Variants in RBFOX3 observed in about 807,000 individuals in gnomAD.
RBFOX3 encodes RNA binding protein fox-1 homolog 3.
A neutral mutation model predicts 48.7 loss-of-function variants in RBFOX3; 17 were observed. The observed-to-expected ratio is 0.35, with a 90% CI of 0.24 to 0.52. The LOEUF is 0.52. RBFOX3 is among the 20% of genes least tolerant of loss of function. The pLI, the probability that RBFOX3 is intolerant of heterozygous loss-of-function variation, is 0.94. For missense variants in RBFOX3, 382 were observed against 497.5 expected, an observed-to-expected ratio of 0.77 and a Z score of 2.21; for synonymous variants, 212 against 209.5, an observed-to-expected ratio of 1.01 and a Z score of -0.10.
At chr17:79,551,250 C>G (rs988783347) in intron 1 of RBFOX3, among the ~76,000 whole-genome samples, 121,868 of 151,990 alleles carry the variant, frequency 0.8, 51,558 homozygotes, top group Non-Finnish European at 0.94. Context: ...TCTCCCCCAG[C>G]CCCTGGTTTC....
intron 1 of RBFOX3, among the ~76,000 whole-genome samples, chr17:79,542,002 G>A (rs1555790471): frequency 6.6e-6 from 1 of 150,844 alleles, no homozygotes; most frequent in Non-Finnish European, 1.5e-5. Flanking sequence ...ACAAAACCAT[G>A]TTCTCTGCTG....
chr17:79,545,818 G>A (rs1555791709), intron 1 of RBFOX3, among the ~76,000 whole-genome samples: 1 of 152,178 alleles, frequency 6.6e-6, no homozygotes, highest in Non-Finnish European at 1.5e-5. Flanking sequence ...TGCACACTCA[G>A]ACACACCCGT....
chr17:79,503,236 G>T (rs1245245551), intron 1 of RBFOX3, among the ~76,000 whole-genome samples: 2 of 152,116 alleles, frequency 1.3e-5, no homozygotes, highest in African/African-American at 2.4e-5. Flanking sequence ...CATTCCACAG[G>T]GGCTTAGGGG....
chr17:79,248,416 C>A (rs1213724825), intron 3 of RBFOX3, among the ~76,000 whole-genome samples: 1 of 152,112 alleles, frequency 6.6e-6, no homozygotes, highest in African/African-American at 2.4e-5. Flanking sequence ...GATTAAAAGC[C>A]AGGTGTCTGT....
At chr17:79,624,950 C>G in the RBFOX3 span, among the ~76,000 whole-genome samples, 2 of 152,146 alleles carry the variant, frequency 1.3e-5, no homozygotes, top group South Asian at 4.2e-4. Context: ...CCTGTGTACT[C>G]AGAGACTGGG....
intron 4 of RBFOX3, among the ~76,000 whole-genome samples, chr17:79,168,131 C>T (rs1208881593): frequency 6.6e-6 from 1 of 152,158 alleles, no homozygotes; most frequent in African/African-American, 2.4e-5. Flanking sequence ...GCTCTGATGC[C>T]CCGACCCTCG....
At chr17:79,337,737 C>G (rs1400614490) in intron 2 of RBFOX3, among the ~76,000 whole-genome samples, 1 of 152,108 alleles carries the variant, frequency 6.6e-6, no homozygotes, top group East Asian at 1.9e-4. Context: ...GACTGTGCCA[C>G]TGGACTACAG....
intron 2 of RBFOX3, among the ~76,000 whole-genome samples, chr17:79,319,524 TTGTCTGGGCTGCTGGGCTA>T (rs1363668556): frequency 2.6e-4 from 20 of 77,732 alleles, no homozygotes; most frequent in African/African-American, 8.1e-4. Flanking sequence ...GCTGCTGGTC[TTGTCTGGGCTGCTGGGCTA>T]TGTCTGGGCT....
intron 2 of RBFOX3, among the ~76,000 whole-genome samples, chr17:79,408,452 G>T (rs887339334): frequency 2.6e-5 from 4 of 152,318 alleles, no homozygotes; most frequent in African/African-American, 9.6e-5. Flanking sequence ...GCAGGATGGG[G>T]GCCCAGGGCT....
intron 2 of RBFOX3, among the ~76,000 whole-genome samples, chr17:79,349,025 G>A (rs576374875): frequency 8.7e-4 from 133 of 152,108 alleles, no homozygotes; most frequent in African/African-American, 2.9e-3. Flanking sequence ...AAAGCCAGCT[G>A]TGCCTCTATC....
chr17:79,275,969 C>T (rs959606462), intron 3 of RBFOX3, among the ~76,000 whole-genome samples: 1 of 152,208 alleles, frequency 6.6e-6, no homozygotes, highest in African/African-American at 2.4e-5. Context: ...CGGGAAACAA[C>T]CCGAATGTCA....
intron 13 of RBFOX3, 67 bp downstream of exon 13, chr17:79,095,446 C>A: frequency 7.0e-7 from 1 of 1,429,402 alleles, no homozygotes; most frequent in Non-Finnish European, 9.6e-7. Context: ...CTGGGCCCAG[C>A]TCCCCAGGGA....
At chr17:79,179,789 T>G (rs28570375) in intron 4 of RBFOX3, among the ~76,000 whole-genome samples, 11,297 of 152,284 alleles carry the variant, frequency 0.074, 435 homozygotes, top group East Asian at 0.18. Context: ...TCAGATGAGC[T>G]CCTTCTTGCC....
the RBFOX3 span, among the ~76,000 whole-genome samples, chr17:79,620,415 A>C: frequency 2.0e-5 from 3 of 148,708 alleles, no homozygotes; most frequent in Admixed American, 2.0e-4. Context: ...ACACACGGAC[A>C]TGCACACACG....
intron 1 of RBFOX3, among the ~76,000 whole-genome samples, chr17:79,568,246 G>A (rs940864642): frequency 2.7e-4 from 41 of 152,152 alleles, no homozygotes; most frequent in African/African-American, 9.7e-4. Context: ...ACTCAGTACC[G>A]ATACCACAAG....
rs115589559 is a variant in RBFOX3, at chr17:79,163,269, G to A, written c.-33-47521C>T. Among the ~76,000 whole-genome samples, 465 of 152,324 alleles carry A rather than the reference G, an allele frequency of 3.1e-3. 3 individuals are homozygous for A. Among genetic ancestry groups the A allele is most frequent in the African/African-American group, 0.01 (436 of 41,576 alleles). On this transcript the variant is annotated intron_variant, in intron 4 of 14. Transcript: ENST00000693108. ...ACCAAGTGTCACAGAGGAGGCAACC[G>A]CTCCTGCCCCGCCTGGGGAAAGCCG...
intron 3 of RBFOX3, among the ~76,000 whole-genome samples, chr17:79,280,112 G>GCA (rs10650242): frequency 0.79 from 119,356 of 150,696 alleles, 47,511 homozygotes; most frequent in East Asian, 0.99. Context: ...ACATGTGTAT[G>GCA]CACACACACA....
At chr17:79,444,858 T>C (rs1470718903) in intron 2 of RBFOX3, among the ~76,000 whole-genome samples, 1 of 152,164 alleles carries the variant, frequency 6.6e-6, no homozygotes, top group African/African-American at 2.4e-5. Context: ...CCAGAATATA[T>C]AAGGAATTAC....
chr17:79,343,473 C>T (rs1172017491), intron 2 of RBFOX3, among the ~76,000 whole-genome samples: 3 of 152,120 alleles, frequency 2.0e-5, no homozygotes, highest in Non-Finnish European at 4.4e-5. Context: ...GCCGAGATTG[C>T]ACCACTGCAC....
Sources: gnomAD v4.1 joint callset for allele counts (sites outside exome capture counted in the v4.1 genomes callset) on GRCh38, gnomAD v4.1.1 for gene constraint, MANE v1.5 for transcripts, NCBI Gene and HGNC (gene_info 2026-07-23, HGNC 2026-07-21) for gene names.